NIPA1: variants seen among roughly 807,000 people sequenced by gnomAD.
NIPA1 encodes magnesium transporter NIPA1.
In NIPA1, 13 loss-of-function variants were observed where a neutral mutation model predicts 23.9. The ratio of observed to expected loss-of-function variants is 0.54; its 90% CI spans 0.35 to 0.87. NIPA1 has a LOEUF of 0.87. NIPA1 is among the 40% of genes least tolerant of loss of function. The pLI, the probability that NIPA1 is intolerant of heterozygous loss-of-function variation, is 0.01. For missense variants in NIPA1, 362 were observed against 429.7 expected (o/e 0.84, Z 1.39); for synonymous variants, 234 against 202.9 (o/e 1.15, Z -1.30).
chr15:22,792,466 T>C (rs1357829723), intron 1 of NIPA1, among the ~76,000 whole-genome samples: 5 of 152,162 alleles, frequency 3.3e-5, no homozygotes, highest in African/African-American at 9.6e-5. Flanking sequence ...TCACGCCATT[T>C]TTCTGCCTCA....
rs1420402517 is a variant in NIPA1, at chr15:22,828,064, TC to T, written c.*3828del. ...GAGAACATTTCAGTGTAAGGTCTGT[TC>T]CCGACAGCATGGATTAGCTTCCGTG... is the stretch of plus-strand genomic sequence containing the variant. On this transcript the variant is annotated 3_prime_UTR_variant, in exon 5 of 5. Transcript: ENST00000337435. 1 of 152,554 alleles carries T rather than the reference TC, an allele frequency of 6.6e-6. No homozygotes were observed. The highest frequency in any genetic ancestry group is 1.5e-5 in the Non-Finnish European group (1 of 68,014). The allele number at this position is 152,554 out of a possible 1,614,324, so 9.5% of individuals were successfully genotyped here. A position where few individuals can be genotyped will look rare whatever the true frequency, so the allele number is the denominator to read the frequency against.
rs538601879 is a variant in NIPA1, at chr15:22,795,526, C to T, written c.178+8692C>T. 2.0e-5 allele frequency among the ~76,000 whole-genome samples: 3 copies of T among 152,260 alleles called. No individual in the cohort carries two copies. In the East Asian group the frequency reaches 5.8e-4, roughly 29 times the overall value. On this transcript the variant is annotated intron_variant, in intron 1 of 4. Transcript: ENST00000337435. ...GCTGAGCATTGCTGTCTCTGCTCTCCCTTCCTCTATCCCTGTGGCTTCTTC... is the reference window on the plus strand; with the variant it reads ...GCTGAGCATTGCTGTCTCTGCTCTCTCTTCCTCTATCCCTGTGGCTTCTTC...
intron 1 of NIPA1, among the ~76,000 whole-genome samples, chr15:22,788,710 C>T (rs1023459307): frequency 2.6e-5 from 4 of 151,626 alleles, no homozygotes; most frequent in Admixed American, 2.0e-4. Context: ...GGTCATGTGG[C>T]TCAAAGGAAT....
intron 1 of NIPA1, among the ~76,000 whole-genome samples, chr15:22,796,756 T>C (rs759094046): frequency 1.3e-5 from 2 of 152,198 alleles, no homozygotes; most frequent in Non-Finnish European, 2.9e-5. Context: ...CGGTCCCTTT[T>C]AGATGCTGCC....
At chr15:22,798,631 G>A (rs1363555176) in intron 1 of NIPA1, among the ~76,000 whole-genome samples, 3 of 148,256 alleles carry the variant, frequency 2.0e-5, no homozygotes, top group Admixed American at 6.7e-5. Context: ...GGTGGATCAC[G>A]AGGTCAGGAG....
In NIPA1 at chr15:22,812,175, A is replaced by T; in HGVS notation, c.239A>T (p.Gln80Leu). Residue 80 changes from glutamine (Q) to leucine (L), a missense_variant, in exon 3 of 5, where the codon CAG becomes CTG. By Grantham distance (113) the Gln-to-Leu change is moderately radical. Transcript: ENST00000337435. ...ATTTTCTTGACAGTGGCTGTTGGCC[A>T]GATTGGAAACTTCCTGGCTTACACG... The part of the protein sequence containing the change: ...WAGTIAMAVG[Q>L]IGNFLAYTAV... 1 of 1,612,922 alleles carries T rather than the reference A, an allele frequency of 6.2e-7. No individual in the cohort carries two copies.
upstream of NIPA1, among the ~76,000 whole-genome samples, chr15:22,786,461 G>A (rs539444950): frequency 2.8e-4 from 42 of 148,858 alleles, no homozygotes; most frequent in African/African-American, 1.0e-3. Context: ...CCTCACTGCC[G>A]CCGCGTCCGG....
chr15:22,809,463 A>G (rs974043107), intron 1 of NIPA1, among the ~76,000 whole-genome samples: 7 of 152,094 alleles, frequency 4.6e-5, no homozygotes, highest in African/African-American at 1.7e-4. Context: ...AAAAATGCTT[A>G]GCAGGCCAGG....
rs1213625192 is a variant in NIPA1, at chr15:22,824,095, G to A, written c.846G>A (p.Glu282=). The change falls in exon 5 of 5, where the codon GAG becomes GAA. Residue 282 remains glutamate (E), a synonymous_variant. Transcript: ENST00000337435. The surrounding 1 kb of genome is among the most constrained non-coding windows in gnomAD (Gnocchi z 4.1). ...TGGCCTCAGCCATCCTCTTCCGGGA[G>A]TGGAGCAACGTGGGCCTGGTGGACT... ...VLLASAILFR[E]WSNVGLVDFL... 1.2e-6 allele frequency: 2 copies of A among 1,614,040 alleles called. No individual in the cohort carries two copies. The highest frequency in any genetic ancestry group is 2.2e-5 in the East Asian group (1 of 44,896).
At chr15:22,786,447 G>C (rs557451867), upstream of NIPA1, among the ~76,000 whole-genome samples, 2 of 136,282 alleles carry the variant, frequency 1.5e-5, no homozygotes, top group Non-Finnish European at 3.0e-5. Context: ...GCGCCTCACC[G>C]GCCCCTCACT....
At chr15:22,786,393 C>G (rs1256010157), upstream of NIPA1, 1 of 155,442 alleles carries the variant, frequency 6.4e-6, no homozygotes, top group Non-Finnish European at 1.4e-5. Flanking sequence ...AACCAGGAGT[C>G]CTGCATTTCC....
intron 3 of NIPA1, among the ~76,000 whole-genome samples, chr15:22,813,451 C>T (rs905529083): frequency 6.6e-6 from 1 of 152,048 alleles, no homozygotes; most frequent in Non-Finnish European, 1.5e-5. Flanking sequence ...CAGCTGGACT[C>T]TCTGTTTACT....
chr15:22,790,889 G>A lies in NIPA1; in HGVS notation c.178+4055G>A, dbSNP rs537809709. On this transcript the variant is annotated intron_variant, in intron 1 of 4. Transcript: ENST00000337435. ...AGAGGGGAGATACGCAAGCACCAGA[G>A]AATGAAGTTCTTGCTTTAAGGGAGA... Among the ~76,000 whole-genome samples the A allele has an allele frequency of 1.8e-4, 28 of 152,322 alleles. No homozygotes were observed. The East Asian group carries it at 5.2e-3, about 28-fold the overall frequency.
chr15:22,816,830 AAG>A (rs1202164219), intron 3 of NIPA1, among the ~76,000 whole-genome samples: 1 of 151,934 alleles, frequency 6.6e-6, no homozygotes, highest in Non-Finnish European at 1.5e-5. Context: ...AAGAATCACT[AAG>A]AAATTATTAG....
At chr15:22,803,270 G>A (rs1895125363) in intron 1 of NIPA1, among the ~76,000 whole-genome samples, 1 of 151,798 alleles carries the variant, frequency 6.6e-6, no homozygotes, top group Non-Finnish European at 1.5e-5. Context: ...TTCCCAAAGT[G>A]CTGGGATTAT....
chr15:22,822,908 GTTTTTTTTTTTTTTTT>G (rs59308538), intron 4 of NIPA1, among the ~76,000 whole-genome samples: 1 of 91,442 alleles, frequency 1.1e-5, no homozygotes, highest in Non-Finnish European at 2.0e-5. Context: ...GCTGTAAATG[GTTTTTTTTTTTTTTTT>G]TTTTTTTTTT....
At chr15:22,816,146 G>T (rs1172410115) in intron 3 of NIPA1, among the ~76,000 whole-genome samples, 6 of 142,200 alleles carry the variant, frequency 4.2e-5, no homozygotes, top group Admixed American at 2.8e-4. Flanking sequence ...AGGAAAGGAA[G>T]AATTTAATTG....
At chr15:22,798,096 C>T (rs1311558346) in intron 1 of NIPA1, among the ~76,000 whole-genome samples, 2 of 151,180 alleles carry the variant, frequency 1.3e-5, no homozygotes, top group Non-Finnish European at 3.0e-5. Flanking sequence ...ATCCCCCCGC[C>T]TCAGCCTCCT....
intron 3 of NIPA1, among the ~76,000 whole-genome samples, chr15:22,814,880 A>G (rs897547547): frequency 6.6e-6 from 1 of 152,154 alleles, no homozygotes; most frequent in Non-Finnish European, 1.5e-5. Context: ...TGGGTATCTC[A>G]GTCTCAGCAC....
Sources: gnomAD v4.1 joint callset for allele counts (sites outside exome capture counted in the v4.1 genomes callset) on GRCh38, gnomAD v4.1.1 for gene constraint, Gnocchi (gnomAD v3.1) non-coding constraint, MANE v1.5 for transcripts, NCBI Gene and HGNC (gene_info 2026-07-23, HGNC 2026-07-21) for gene names.